XYLT1: variants seen among roughly 807,000 people sequenced by gnomAD.
The protein encoded by XYLT1 is beta-D-xylosyltransferase 1.
XYLT1 carries 36 observed loss-of-function variants against 91.3 expected under a neutral mutation model. The observed-to-expected ratio is 0.39, with a 90% CI of 0.30 to 0.52. XYLT1 has a LOEUF of 0.52. Ranked by LOEUF, XYLT1 falls within the 20% of genes least tolerant of loss-of-function variation. The pLI is 0.68. For synonymous variants in XYLT1, 588 were observed against 532.0 expected, an observed-to-expected ratio of 1.11 and a Z score of -1.45; for missense variants, 1,242 against 1,284.5, an observed-to-expected ratio of 0.97 and a Z score of 0.51.
chr16:17,356,480 A>G (rs2035297009), intron 2 of XYLT1, among the ~76,000 whole-genome samples: 2 of 152,138 alleles, frequency 1.3e-5, no homozygotes, highest in South Asian at 4.1e-4. Flanking sequence ...GCAAGGACAG[A>G]AAAGCACAAG....
chr16:17,424,733 T>C (rs922319267), intron 1 of XYLT1, among the ~76,000 whole-genome samples: 1 of 151,788 alleles, frequency 6.6e-6, no homozygotes, highest in Non-Finnish European at 1.5e-5. Flanking sequence ...CTGGCTGTAG[T>C]GGTAGGTGCC....
chr16:17,259,060 C>T lies in XYLT1; in HGVS notation c.841G>A (p.Gly281Arg), dbSNP rs1236485437. The T allele has an allele frequency of 2.6e-6, 4 of 1,521,450 alleles. No homozygotes were observed. Among genetic ancestry groups the T allele is most frequent in the Non-Finnish European group, 3.5e-6 (4 of 1,135,602 alleles). 94.2% of individuals were successfully genotyped at this position (1,521,450 alleles called of 1,614,324 possible). ...AKSKHCRQEI[G>R]ETYCRHKLGL... is the part of the protein sequence containing the mutation. ...AACTTGTGGCGGCAGTAAGTCTCCC[C>T]AATCTCCTGGCGGCAGTGCTTGGAC... Residue 281 changes from glycine (G) to arginine (R), a missense_variant, in exon 3 of 12, where the codon GGG becomes AGG. By Grantham distance (125) the Gly-to-Arg change is moderately radical. Coordinates refer to ENST00000261381, the MANE Select transcript of XYLT1 (RefSeq NM_022166.4).
chr16:17,390,872 A>G (rs1466896812), intron 1 of XYLT1, among the ~76,000 whole-genome samples: 1 of 152,140 alleles, frequency 6.6e-6, no homozygotes, highest in African/African-American at 2.4e-5. Context: ...TCCCGTCTCT[A>G]CTAAAAATAC....
chr16:17,366,522 C>T (rs1303088143), intron 1 of XYLT1, among the ~76,000 whole-genome samples: 2 of 152,252 alleles, frequency 1.3e-5, no homozygotes, highest in East Asian at 3.9e-4. Context: ...TGGTGAAACC[C>T]CATCTCTACT....
chr16:17,151,914 G>A (rs2031293253), intron 6 of XYLT1, among the ~76,000 whole-genome samples: 1 of 152,156 alleles, frequency 6.6e-6, no homozygotes, highest in Admixed American at 6.5e-5. Flanking sequence ...AGAGTCAGTG[G>A]CCTGAATCCT....
At chr16:17,254,990 CTTTTTCTTTTTTTTTTTTT>C (rs1247073379) in intron 3 of XYLT1, among the ~76,000 whole-genome samples, 2 of 131,640 alleles carry the variant, frequency 1.5e-5, no homozygotes, top group East Asian at 4.1e-4. Flanking sequence ...TCCTTTTTTT[CTTTTTCTTTTTTTTTTTTT>C]TTTTTGAGAT....
intron 2 of XYLT1, among the ~76,000 whole-genome samples, chr16:17,285,194 C>T (rs1193296848): frequency 6.6e-6 from 1 of 152,134 alleles, no homozygotes; most frequent in African/African-American, 2.4e-5. Flanking sequence ...GGAAAATGCA[C>T]AAGTGATGGG....
At chr16:17,449,050 G>A (rs947561982) in intron 1 of XYLT1, among the ~76,000 whole-genome samples, 2 of 152,118 alleles carry the variant, frequency 1.3e-5, no homozygotes, top group African/African-American at 4.8e-5. Flanking sequence ...AGACAAAGAG[G>A]GACGTTTTGG....
intron 2 of XYLT1, among the ~76,000 whole-genome samples, chr16:17,276,195 C>G (rs923580818): frequency 6.6e-6 from 1 of 152,184 alleles, no homozygotes; most frequent in African/African-American, 2.4e-5. Flanking sequence ...CCTAAATCTC[C>G]TTTATGAGCA....
chr16:17,388,941 T>A (rs921385881), intron 1 of XYLT1, among the ~76,000 whole-genome samples: 1 of 152,154 alleles, frequency 6.6e-6, no homozygotes, highest in Non-Finnish European at 1.5e-5. Context: ...GATTGATCAG[T>A]GGGAATGAGC....
chr16:17,296,265 G>C (rs2034308300), intron 2 of XYLT1, among the ~76,000 whole-genome samples: 1 of 114,462 alleles, frequency 8.7e-6, no homozygotes, highest in South Asian at 2.9e-4. Flanking sequence ...TGTTTAGCAA[G>C]GCCTGGGGGG....
At chr16:17,218,203 A>G (rs2141605916) in intron 3 of XYLT1, among the ~76,000 whole-genome samples, 1 of 152,208 alleles carries the variant, frequency 6.6e-6, no homozygotes, top group Non-Finnish European at 1.5e-5. Flanking sequence ...GGTTGCAGTG[A>G]GCCAAAATCA....
intron 6 of XYLT1, among the ~76,000 whole-genome samples, chr16:17,147,497 T>C (rs1339823771): frequency 6.6e-6 from 1 of 152,236 alleles, no homozygotes; most frequent in Non-Finnish European, 1.5e-5. Context: ...ATACAATATT[T>C]ATGCAGTCAT....
intron 10 of XYLT1, among the ~76,000 whole-genome samples, chr16:17,120,256 A>T (rs758565987): frequency 6.6e-6 from 1 of 152,226 alleles, no homozygotes; most frequent in Non-Finnish European, 1.5e-5. Flanking sequence ...GTTTTTCTAA[A>T]GAAACCCGAT....
Position 17,338,600 on chromosome 16 carries a change from T to C in XYLT1, c.402+19412A>G, listed in dbSNP as rs576934035. ...AATGGTCTTTCGTGTCCCCTTATCC[T>C]GGTCATTCGTGGCCTGCTCACATTC... is the stretch of plus-strand genomic sequence containing the variant. On this transcript the variant is annotated intron_variant, in intron 2 of 11. Transcript: ENST00000261381. 1.7e-4 allele frequency: 74 copies of C among 423,232 alleles called. No individual in the cohort carries two copies. In the East Asian group the frequency reaches 4.7e-3, roughly 27 times the overall value. 26.2% of individuals were successfully genotyped at this position (423,232 alleles called of 1,614,324 possible). A position where few individuals can be genotyped will look rare whatever the true frequency, so the allele number is the denominator to read the frequency against.
chr16:17,379,630 A>AATTCTGAAT (rs1219425859), intron 1 of XYLT1, among the ~76,000 whole-genome samples: 1 of 152,090 alleles, frequency 6.6e-6, no homozygotes, highest in Non-Finnish European at 1.5e-5. Flanking sequence ...CACTGCTGTG[A>AATTCTGAAT]ATTCTGAATC....
chr16:17,441,950 TAGTC>T (rs1567204472), intron 1 of XYLT1, among the ~76,000 whole-genome samples: 1 of 152,226 alleles, frequency 6.6e-6, no homozygotes, highest in Non-Finnish European at 1.5e-5. Flanking sequence ...AGTACCCAGA[TAGTC>T]AGTCAGACAT....
intron 2 of XYLT1, among the ~76,000 whole-genome samples, chr16:17,320,730 T>C (rs2034705363): frequency 6.6e-6 from 1 of 151,366 alleles, no homozygotes. Context: ...TCTGCCCACC[T>C]TGCCCTCCCA....
intron 2 of XYLT1, among the ~76,000 whole-genome samples, chr16:17,321,423 C>A (rs917448728): frequency 1.7e-5 from 2 of 118,716 alleles, no homozygotes; most frequent in African/African-American, 3.2e-5. Context: ...AGTGGCATGA[C>A]CTCAGTTCAC....
Sources: gnomAD v4.1 joint callset for allele counts (sites outside exome capture counted in the v4.1 genomes callset) on GRCh38, gnomAD v4.1.1 for gene constraint, MANE v1.5 for transcripts, NCBI Gene and HGNC (gene_info 2026-07-23, HGNC 2026-07-21) for gene names.